The following PRDM15 variants were observed in gnomAD, a reference collection of about 807,000 sequenced individuals.
PRDM15 encodes the protein PR domain zinc finger protein 15.
Under a neutral mutation model 128.6 loss-of-function variants are expected in PRDM15, and 64 were observed. The ratio of observed to expected loss-of-function variants is 0.50; its 90% CI spans 0.41 to 0.61. The LOEUF is 0.61. PRDM15 is among the 20% of genes least tolerant of loss of function. The pLI is 0.00. For synonymous variants in PRDM15, 615 were observed against 621.8 expected, an observed-to-expected ratio of 0.99 and a Z score of 0.16; for missense variants, 1,242 against 1,569.1, an observed-to-expected ratio of 0.79 and a Z score of 3.52.
In PRDM15 at chr21:41,879,254, G is replaced by A. The variant is rs773714690; in HGVS notation, c.-10+16C>T. 16 of 973,306 alleles carry A rather than the reference G, an allele frequency of 1.6e-5. No individual in the cohort carries two copies. Among genetic ancestry groups the A allele is most frequent in the Non-Finnish European group, 2.0e-5 (16 of 807,180 alleles). The allele number at this position is 973,306 out of a possible 1,614,324, so 60.3% of individuals were successfully genotyped here. A position where few individuals can be genotyped will look rare whatever the true frequency, so the allele number is the denominator to read the frequency against. ...CACGCCGGGGCGGGCGGCGGGCGCAGGGCCCGGAGCTTTACCTGCCTTTGG... is the reference window on the plus strand; with the variant it reads ...CACGCCGGGGCGGGCGGCGGGCGCAAGGCCCGGAGCTTTACCTGCCTTTGG... On this transcript the variant is annotated intron_variant, in intron 1 of 23. Transcript: ENST00000398548. The surrounding 1 kb of genome is among the most constrained non-coding windows in gnomAD (Gnocchi z 5.1).
rs2061403991 is a variant in PRDM15, at chr21:41,801,140, C to T, written c.*100G>A. 6.9e-7 allele frequency: 1 copy of T among 1,455,460 alleles called. No individual in the cohort carries two copies. Among genetic ancestry groups the T allele is most frequent in the East Asian group, 2.3e-5 (1 of 43,316 alleles). The allele number at this position is 1,455,460 out of a possible 1,614,324, so 90.2% of individuals were successfully genotyped here. A position where few individuals can be genotyped will look rare whatever the true frequency, so the allele number is the denominator to read the frequency against. On this transcript the variant is annotated 3_prime_UTR_variant, in exon 24 of 24. Coordinates refer to ENST00000398548, the MANE Select transcript of PRDM15 (RefSeq NM_001040424.3). ...GCAAAGCTAAGTCAACCTTACATTG[C>T]AATGTATGACTTTTTGTTTGTTTGG...
At position 41,862,341 on chromosome 21, in the gene PRDM15, GCTTA is replaced by G. The variant is rs2063845326; in HGVS notation, c.-9-1973_-9-1970del. ...GATGGAAGGAAGTCGTCCTGGCCTT[GCTTA>G]CTTGGGAGCCTGCACGAATCCCCTG... On this transcript the variant is annotated intron_variant, in intron 1 of 23. Coordinates refer to ENST00000398548, the MANE Select transcript of PRDM15 (RefSeq NM_001040424.3). The surrounding 1 kb of genome is among the most constrained non-coding windows in gnomAD (Gnocchi z 4.1). Among the ~76,000 whole-genome samples, 1 of 152,182 alleles carries G rather than the reference GCTTA, an allele frequency of 6.6e-6. No individual in the cohort carries two copies. The highest frequency in any genetic ancestry group is 1.5e-5 in the Non-Finnish European group (1 of 68,020).
In PRDM15 at chr21:41,836,296, C is replaced by T. The variant is rs533821038; in HGVS notation, c.1184-89G>A. On this transcript the variant is annotated intron_variant, in intron 9 of 23. Transcript: ENST00000398548. ...CACCGGGGAAATGCCCCACAAGCCG[C>T]CTCGCTCCCACCATGCGAAGGAGCT... 421 of 1,356,212 alleles carry T rather than the reference C, an allele frequency of 3.1e-4. 1 individual carries two copies. The African/African-American group carries it at 5.6e-3, about 18-fold the overall frequency. 84.0% of individuals were successfully genotyped at this position (1,356,212 alleles called of 1,614,324 possible).
intron 4 of PRDM15, among the ~76,000 whole-genome samples, 168 bp downstream of exon 4, chr21:41,857,008 A>G (rs2063655718): frequency 6.6e-6 from 1 of 152,266 alleles, no homozygotes; most frequent in Non-Finnish European, 1.5e-5. Context: ...TGCTCTTGCA[A>G]TGTAAAAAGA....
At position 41,801,201 on chromosome 21, in the gene PRDM15, C is replaced by T; in HGVS notation, c.*39G>A. ...ACACATCTAAACAAATCCCAAACAT[C>T]CCTCTGCAGTTCTTGCCCCGAGTCT... is the stretch of plus-strand genomic sequence containing the variant. On this transcript the variant is annotated 3_prime_UTR_variant, in exon 24 of 24. Coordinates refer to ENST00000398548, the MANE Select transcript of PRDM15 (RefSeq NM_001040424.3). 3 of 1,501,744 alleles carry T rather than the reference C, an allele frequency of 2.0e-6. No individual in the cohort carries two copies. The highest frequency in any genetic ancestry group is 2.7e-6 in the Non-Finnish European group (3 of 1,131,454). 93.0% of individuals were successfully genotyped at this position (1,501,744 alleles called of 1,614,324 possible).
chr21:41,872,193 T>C (rs1162902338), intron 1 of PRDM15: 1 of 152,202 alleles, frequency 6.6e-6, no homozygotes, highest in Non-Finnish European at 1.5e-5. Flanking sequence ...CCATTTGCTA[T>C]CCCATTCCCC....
Position 41,810,355 on chromosome 21 carries a change from T to G in PRDM15, c.2477-26A>C. Reference sequence around the variant, plus strand: ...CTTTTCACACACACGCAGACACACATGCGCGTGGAAAGGAAGAGACACGCA... The same window carrying G: ...CTTTTCACACACACGCAGACACACAGGCGCGTGGAAAGGAAGAGACACGCA... On this transcript the variant is annotated intron_variant, in intron 20 of 23. Transcript: ENST00000398548. The surrounding 1 kb of genome is among the most constrained non-coding windows in gnomAD (Gnocchi z 6.4). The G allele has an allele frequency of 6.3e-7, 1 of 1,598,302 alleles. No homozygotes were observed. The highest frequency in any genetic ancestry group is 8.5e-7 in the Non-Finnish European group (1 of 1,170,514).
intron 21 of PRDM15, among the ~76,000 whole-genome samples, chr21:41,806,500 ACC>A (rs2061649140): frequency 6.0e-5 from 4 of 66,386 alleles, no homozygotes; most frequent in African/African-American, 3.1e-4. Flanking sequence ...CACCATCACC[ACC>A]ATCACCATCA....
At chr21:41,870,355 C>G (rs1048401495) in intron 1 of PRDM15, among the ~76,000 whole-genome samples, 2 of 152,188 alleles carry the variant, frequency 1.3e-5, no homozygotes, top group South Asian at 2.1e-4. Context: ...AGGCACATCT[C>G]AAGTGCTCAG....
chr21:41,871,199 G>T (rs951134230), intron 1 of PRDM15, among the ~76,000 whole-genome samples: 2 of 152,124 alleles, frequency 1.3e-5, no homozygotes, highest in Admixed American at 6.5e-5. Context: ...CAGTTAAAAG[G>T]CATGTGTTCT....
intron 21 of PRDM15, among the ~76,000 whole-genome samples, chr21:41,805,774 T>TCAACAC (rs1165564256): frequency 1.4e-5 from 2 of 141,834 alleles, no homozygotes; most frequent in Non-Finnish European, 3.0e-5. Flanking sequence ...ATCATCACCA[T>TCAACAC]CAACACCAAC....
At chr21:41,830,321 CACAT>C (rs1173837357) in intron 11 of PRDM15, among the ~76,000 whole-genome samples, 10 of 150,884 alleles carry the variant, frequency 6.6e-5, no homozygotes, top group Middle Eastern at 3.5e-3. Flanking sequence ...ACATACTCAA[CACAT>C]ACACCACACA....
Position 41,825,953 on chromosome 21 carries a change from G to C in PRDM15, c.1629+7C>G. The C allele has an allele frequency of 5.6e-6, 9 of 1,606,228 alleles. No homozygotes were observed. The highest frequency in any genetic ancestry group is 7.7e-6 in the Non-Finnish European group (9 of 1,172,882). The stretch of plus-strand genomic sequence containing the variant: ...TCTCAGCGTCCGACGTGGACTGCGA[G>C]CATTACCTTGCCACACACCGGGCAC... On this transcript the variant is annotated splice_region_variant and intron_variant, in intron 13 of 23. Transcript: ENST00000398548.
intron 3 of PRDM15, among the ~76,000 whole-genome samples, chr21:41,858,768 T>C (rs76266643): frequency 0.012 from 1,775 of 145,092 alleles, 40 homozygotes; most frequent in African/African-American, 0.042. Flanking sequence ...GGGGGGTTGA[T>C]GGGAAGAGGG....
At position 41,832,422 on chromosome 21, in the gene PRDM15, G is replaced by A. The variant is rs1434724025; in HGVS notation, c.1366+3015C>T. On this transcript the variant is annotated intron_variant, in intron 11 of 23. Coordinates refer to ENST00000398548, the MANE Select transcript of PRDM15 (RefSeq NM_001040424.3). This position sits in a 1 kb window ranked among gnomAD's most constrained non-coding sequence, Gnocchi z 4.2. ...CAGAGGCCACACCTTACAGCGCTGT[G>A]GCATCGGATCACCACAGGCCACACC... Among the ~76,000 whole-genome samples the A allele has an allele frequency of 6.6e-6, 1 of 151,650 alleles. No homozygotes were observed. Among genetic ancestry groups the A allele is most frequent in the East Asian group, 1.9e-4 (1 of 5,162 alleles).
chr21:41,836,310 T>C (rs1601305830), intron 9 of PRDM15, 103 bp from the exon 10 acceptor site: 2 of 1,309,428 alleles, frequency 1.5e-6, no homozygotes, highest in Admixed American at 1.9e-5. Flanking sequence ...GCTCCCACCA[T>C]GCGAAGGAGC....
At position 41,821,861 on chromosome 21, in the gene PRDM15, C is replaced by T. The variant is rs115646346; in HGVS notation, c.1896+42G>A. 9,068 of 1,610,824 alleles carry T rather than the reference C, an allele frequency of 5.6e-3. 398 individuals are homozygous for T. The African/African-American group carries it at 0.099, about 18-fold the overall frequency. On this transcript the variant is annotated intron_variant, in intron 15 of 23. Coordinates refer to ENST00000398548, the MANE Select transcript of PRDM15 (RefSeq NM_001040424.3). This position sits in a 1 kb window ranked among gnomAD's most constrained non-coding sequence, Gnocchi z 5.4. ...CCACAGCCTTGAAACGACCACCTTC[C>T]TCTCCAGACCACCCAGGCACCGCGG...
At chr21:41,858,130 C>G (rs1167381452) in intron 3 of PRDM15, among the ~76,000 whole-genome samples, 2 of 152,208 alleles carry the variant, frequency 1.3e-5, no homozygotes, top group African/African-American at 4.8e-5. Context: ...CCATGGAAGT[C>G]CCAAACAGAA....
At position 41,836,226 on chromosome 21, in the gene PRDM15, G is replaced by T. The variant is rs889652301; in HGVS notation, c.1184-19C>A. The T allele has an allele frequency of 1.8e-5, 29 of 1,607,040 alleles. No homozygotes were observed. The highest frequency in any genetic ancestry group is 2.0e-5 in the Non-Finnish European group (24 of 1,173,900). ...TTGTCACCTGAGGAACCAACCAACA[G>T]AGAGCTCATTCACTACTTAGAGCAT... On this transcript the variant is annotated intron_variant, in intron 9 of 23. Transcript: ENST00000398548.
Sources: allele counts gnomAD v4.1 joint callset (sites outside exome capture counted in the v4.1 genomes callset), GRCh38; gene constraint gnomAD v4.1.1; non-coding constraint Gnocchi (gnomAD v3.1); transcripts MANE v1.5; gene names NCBI Gene and HGNC (gene_info 2026-07-23, HGNC 2026-07-21).